The following MAVS variants were observed in gnomAD, a reference collection of about 807,000 sequenced individuals.
MAVS encodes mitochondrial antiviral-signaling protein.
A neutral mutation model predicts 30.2 loss-of-function variants in MAVS; 20 were observed. The observed-to-expected ratio is 0.66, with a 90% CI of 0.47 to 0.96. MAVS has a LOEUF of 0.96. Among genes scored for constraint, MAVS ranks in the 40% least tolerant of loss-of-function variants. The pLI is 0.00. For synonymous variants in MAVS, 278 were observed against 293.9 expected, an observed-to-expected ratio of 0.95 and a Z score of 0.55; for missense variants, 624 against 701.1, an observed-to-expected ratio of 0.89 and a Z score of 1.24.
rs571590197 is a variant in MAVS at position 3,856,541 on chromosome 20, G to A, written c.118-1094G>A. ...TAATTTTTGTGTTTTTAGTAGAGACGGACTTTCACCATGTTGGTCAGGCTG... is the reference window on the plus strand; with the variant it reads ...TAATTTTTGTGTTTTTAGTAGAGACAGACTTTCACCATGTTGGTCAGGCTG... On this transcript the variant is annotated intron_variant, in intron 2 of 6. Coordinates refer to ENST00000428216, the MANE Select transcript of MAVS (RefSeq NM_020746.5). 2.6e-5 allele frequency among the ~76,000 whole-genome samples: 4 copies of A among 151,512 alleles called. No individual in the cohort carries two copies. In the East Asian group the frequency reaches 7.8e-4, roughly 30 times the overall value.
chr20:3,866,319 G>A lies in MAVS; in HGVS notation c.*172G>A. The A allele has an allele frequency of 6.2e-6, 4 of 650,140 alleles. No individual in the cohort carries two copies. In the South Asian group the frequency reaches 8.3e-5, roughly 13 times the overall value. The allele number at this position is 650,140 out of a possible 1,614,324, so 40.3% of individuals were successfully genotyped here. A position where few individuals can be genotyped will look rare whatever the true frequency, so the allele number is the denominator to read the frequency against. On this transcript the variant is annotated 3_prime_UTR_variant, in exon 7 of 7. Coordinates refer to ENST00000428216, the MANE Select transcript of MAVS (RefSeq NM_020746.5). Reference sequence around the variant, plus strand: ...GCCTTGGCTGAACCAAGTCCTGAGAGCAGCATCTCTGTCCCCACGGTGCCT... The same window carrying A: ...GCCTTGGCTGAACCAAGTCCTGAGAACAGCATCTCTGTCCCCACGGTGCCT...
chr20:3,861,132 A>G (rs1186152428), intron 3 of MAVS, among the ~76,000 whole-genome samples, 200 bp from the exon 4 acceptor site: 1 of 151,952 alleles, frequency 6.6e-6, no homozygotes, highest in Non-Finnish European at 1.5e-5. Context: ...AGCTGGGACT[A>G]CAGGGGCCCG....
chr20:3,866,016 G>A lies in MAVS; in HGVS notation c.1492G>A (p.Asp498Asn), dbSNP rs201947681. 10 of 1,612,862 alleles carry A rather than the reference G, an allele frequency of 6.2e-6. No homozygotes were observed. The highest frequency in any genetic ancestry group is 1.7e-4 in the Middle Eastern group (1 of 6,058). Reference protein sequence around the residue: ...DPDGGPRPQADRKFQEREVPC... With the variant: ...DPDGGPRPQANRKFQEREVPC... Reference sequence around the variant, plus strand: ...GGATGGCGGCCCCAGGCCACAAGCCGACCGGAAGTTCCAGGAGAGGGAGGT... The same window carrying A: ...GGATGGCGGCCCCAGGCCACAAGCCAACCGGAAGTTCCAGGAGAGGGAGGT... Residue 498 changes from aspartate to asparagine, a missense_variant, in exon 7 of 7, where the codon GAC becomes AAC. Transcript: ENST00000428216.
chr20:3,867,229 T>A lies in MAVS; in HGVS notation c.*1082T>A, dbSNP rs1208835732. 2 of 364,514 alleles carry A rather than the reference T, an allele frequency of 5.5e-6. No individual in the cohort carries two copies. The highest frequency in any genetic ancestry group is 3.6e-5 in the Admixed American group (1 of 27,806). The allele number at this position is 364,514 out of a possible 1,614,324, so 22.6% of individuals were successfully genotyped here. ...AGCTCTGTGACCTTGGGCAAGGGAT[T>A]TATCTGTCTGTCCCTTAGTTTTCTC... is the stretch of plus-strand genomic sequence containing the variant. On this transcript the variant is annotated 3_prime_UTR_variant, in exon 7 of 7. Transcript: ENST00000428216.
rs1474453491 is a variant in MAVS, at chr20:3,867,883, A to G, written c.*1736A>G. 1 of 152,314 alleles carries G rather than the reference A, an allele frequency of 6.6e-6. No individual in the cohort carries two copies. The highest frequency in any genetic ancestry group is 1.5e-5 in the Non-Finnish European group (1 of 68,110). 9.4% of individuals were successfully genotyped at this position (152,314 alleles called of 1,614,324 possible). A position where few individuals can be genotyped will look rare whatever the true frequency, so the allele number is the denominator to read the frequency against. Reference sequence around the variant, plus strand: ...ATTGGGGTGGATTGGGGGTATCCTTATGGGTTCTTTTCAGGGAACCATTGC... The same window carrying G: ...ATTGGGGTGGATTGGGGGTATCCTTGTGGGTTCTTTTCAGGGAACCATTGC... On this transcript the variant is annotated 3_prime_UTR_variant, in exon 7 of 7. Coordinates refer to ENST00000428216, the MANE Select transcript of MAVS (RefSeq NM_020746.5).
intron 1 of MAVS, among the ~76,000 whole-genome samples, chr20:3,848,389 G>A (rs6037677): frequency 0.81 from 122,948 of 152,114 alleles, 50,217 homozygotes; most frequent in East Asian, 0.89. Context: ...GTGAGCCACC[G>A]CGCCCGGCCG....
chr20:3,865,711 G>T lies in MAVS; in HGVS notation c.1187G>T (p.Gly396Val). The change falls in exon 7 of 7, where the codon GGC becomes GTC. Residue 396 changes from glycine (G) to valine (V), a missense_variant. Physicochemically the swap from Gly to Val is moderately radical, Grantham distance 109. Coordinates refer to ENST00000428216, the MANE Select transcript of MAVS (RefSeq NM_020746.5). This position sits in a 1 kb window ranked among gnomAD's most constrained non-coding sequence, Gnocchi z 4.7. ...EETPAAPTPA[G>V]ATGGSSAWLD... is the part of the protein sequence containing the mutation. ...ACCCCAGCAGCTCCAACACCCGCCG[G>T]CGCCACTGGAGGCAGCTCAGCCTGG... 1 of 1,610,498 alleles carries T rather than the reference G, an allele frequency of 6.2e-7. No homozygotes were observed. The highest frequency in any genetic ancestry group is 8.5e-7 in the Non-Finnish European group (1 of 1,178,084).
rs1407028251 is a variant in MAVS, at chr20:3,871,023, GAT to G, written c.*4877_*4878del. The G allele has an allele frequency of 6.6e-6, 1 of 152,552 alleles. No individual in the cohort carries two copies. The highest frequency in any genetic ancestry group is 2.4e-5 in the African/African-American group (1 of 41,428). 9.4% of individuals were successfully genotyped at this position (152,552 alleles called of 1,614,324 possible). A position where few individuals can be genotyped will look rare whatever the true frequency, so the allele number is the denominator to read the frequency against. On this transcript the variant is annotated 3_prime_UTR_variant, in exon 7 of 7. Transcript: ENST00000428216. ...AGCCTCTCAAGTAGCTGGGATTACAGATGCCCGCCACCACACCTGGCTAATTT... is the reference window on the plus strand; with the variant it reads ...AGCCTCTCAAGTAGCTGGGATTACAGGCCCGCCACCACACCTGGCTAATTT...
At position 3,864,685 on chromosome 20, in the gene MAVS, A is replaced by T; in HGVS notation, c.1055A>T (p.Asn352Ile). 6.2e-7 allele frequency: 1 copy of T among 1,614,142 alleles called. No individual in the cohort carries two copies. Among genetic ancestry groups the T allele is most frequent in the Non-Finnish European group, 8.5e-7 (1 of 1,180,020 alleles). Residue 352 changes from asparagine to isoleucine, a missense_variant, in exon 6 of 7, where the codon AAC becomes ATC. By Grantham distance (149) the Asn-to-Ile change is moderately radical (BLOSUM62 -3). Transcript: ENST00000428216. ...TNPAPSKLPINSTRAGMVPSK... is the reference protein window; with the variant it reads ...TNPAPSKLPIISTRAGMVPSK... ...CCAGCACCATCCAAATTGCCCATCA[A>T]CTCAACCCGTGCTGGCATGGTGCCA...
chr20:3,852,010 C>CTTTTTTTTTTTTTTTTTTTTTT (rs1568531967), intron 1 of MAVS, among the ~76,000 whole-genome samples: 5 of 39,408 alleles, frequency 1.3e-4, no homozygotes, highest in African/African-American at 6.6e-4. Context: ...TTTTTTTTCC[C>CTTTTTTTTTTTTTTTTTTTTTT]CCGAGACGGA....
At chr20:3,856,893 G>T (rs747266199) in intron 2 of MAVS, among the ~76,000 whole-genome samples, 2 of 151,910 alleles carry the variant, frequency 1.3e-5, no homozygotes, top group Admixed American at 1.3e-4. Context: ...AAAATTAGCC[G>T]GGTGTGGTGG....
At chr20:3,850,505 G>A (rs2089750275) in intron 1 of MAVS, among the ~76,000 whole-genome samples, 4 of 149,566 alleles carry the variant, frequency 2.7e-5, no homozygotes, top group East Asian at 2.0e-4. Context: ...CAGGAGAATC[G>A]CTTGAACCCA....
chr20:3,848,652 CCT>C (rs957858141), intron 1 of MAVS, among the ~76,000 whole-genome samples: 18 of 152,194 alleles, frequency 1.2e-4, no homozygotes, highest in Admixed American at 5.2e-4. Context: ...TACAGCACTG[CCT>C]CCTGAGAGAG....
rs908331054 is a variant in MAVS at position 3,866,566 on chromosome 20, A to G, written c.*419A>G. The G allele has an allele frequency of 1.1e-5, 4 of 351,738 alleles. No homozygotes were observed. In the East Asian group the frequency reaches 2.2e-4, roughly 19 times the overall value. 21.8% of individuals were successfully genotyped at this position (351,738 alleles called of 1,614,324 possible). Reference sequence around the variant, plus strand: ...GGTCCCTGAAGGCCTCAGGGCAGGTATGTGGTGTGTGGGCGACTCCACAAG... The same window carrying G: ...GGTCCCTGAAGGCCTCAGGGCAGGTGTGTGGTGTGTGGGCGACTCCACAAG... On this transcript the variant is annotated 3_prime_UTR_variant, in exon 7 of 7. Transcript: ENST00000428216.
intron 1 of MAVS, among the ~76,000 whole-genome samples, chr20:3,849,424 C>G (rs867654661): frequency 6.6e-6 from 1 of 152,088 alleles, no homozygotes; most frequent in Admixed American, 6.6e-5. Context: ...AGGCTGGTCT[C>G]AACCTCCTGA....
rs114321779 is a variant in MAVS, at chr20:3,875,982, T to A, written c.*9835T>A. 6.6e-6 allele frequency: 1 copy of A among 152,334 alleles called. No individual in the cohort carries two copies. The highest frequency in any genetic ancestry group is 2.4e-5 in the African/African-American group (1 of 41,440). The allele number at this position is 152,334 out of a possible 1,614,324, so 9.4% of individuals were successfully genotyped here. A position where few individuals can be genotyped will look rare whatever the true frequency, so the allele number is the denominator to read the frequency against. ...CTTGCAGGAGGCGTATCCAAAGGAA[T>A]TGGAGAAGAGATAAACTGGTAATTG... is the stretch of plus-strand genomic sequence containing the variant. On this transcript the variant is annotated 3_prime_UTR_variant, in exon 7 of 7. Coordinates refer to ENST00000428216, the MANE Select transcript of MAVS (RefSeq NM_020746.5).
Position 3,848,136 on chromosome 20 carries a change from CTT to C in MAVS, c.-68+1234_-68+1235del, listed in dbSNP as rs777914623. Among the ~76,000 whole-genome samples the C allele has an allele frequency of 1.5e-3, 235 of 151,860 alleles. 1 individual carries two copies. The highest frequency in any genetic ancestry group is 2.5e-4 in the Non-Finnish European group (17 of 67,928). On this transcript the variant is annotated intron_variant, in intron 1 of 6. Coordinates refer to ENST00000428216, the MANE Select transcript of MAVS (RefSeq NM_020746.5). ...TTTTTTTGAAATGGAGTCTCACTCTCTTGCCCAGGCTGGAGCGCAGTGGTCCA... is the reference window on the plus strand; with the variant it reads ...TTTTTTTGAAATGGAGTCTCACTCTCGCCCAGGCTGGAGCGCAGTGGTCCA...
intron 2 of MAVS, among the ~76,000 whole-genome samples, chr20:3,855,375 T>C (rs904846624): frequency 6.6e-6 from 1 of 152,160 alleles, no homozygotes; most frequent in Non-Finnish European, 1.5e-5. Flanking sequence ...TGCCCTTCCT[T>C]GTCCTGCTCA....
At chr20:3,849,008 G>C (rs1194131277) in intron 1 of MAVS, among the ~76,000 whole-genome samples, 2 of 152,010 alleles carry the variant, frequency 1.3e-5, no homozygotes, top group Non-Finnish European at 2.9e-5. Flanking sequence ...TTTTCATCCT[G>C]GCCCCTCCAA....
Sources: gnomAD v4.1 joint callset for allele counts (sites outside exome capture counted in the v4.1 genomes callset) on GRCh38, gnomAD v4.1.1 for gene constraint, Gnocchi (gnomAD v3.1) non-coding constraint, MANE v1.5 for transcripts, NCBI Gene and HGNC (gene_info 2026-07-23, HGNC 2026-07-21) for gene names.